MYO1D: variants seen among roughly 807,000 people sequenced by gnomAD.
MYO1D encodes the protein myosin ID.
A neutral mutation model predicts 122.0 loss-of-function variants in MYO1D; 83 were observed. That is an observed-to-expected ratio of 0.68 (90% CI 0.57 to 0.82). MYO1D has a LOEUF of 0.82. MYO1D is among the 40% of genes least tolerant of loss of function. The probability of loss-of-function intolerance (pLI) is 0.00; values close to 1 mark genes in which losing one functional copy is unlikely to be tolerated. For missense variants in MYO1D, 1,157 were observed against 1,269.5 expected (o/e 0.91, Z 1.35); for synonymous variants, 464 against 446.9 (o/e 1.04, Z -0.48).
chr17:32,627,633 G>A (rs1285301325), intron 20 of MYO1D: 6 of 152,006 alleles, frequency 3.9e-5, no homozygotes, highest in African/African-American at 9.7e-5. Flanking sequence ...TCCACAGAAC[G>A]AAAGGAGGTA....
At chr17:32,871,043 A>G (rs1457999637) in intron 1 of MYO1D, among the ~76,000 whole-genome samples, 1 of 152,182 alleles carries the variant, frequency 6.6e-6, no homozygotes, top group African/African-American at 2.4e-5. Flanking sequence ...ATTGGGAAAG[A>G]TTTCTCACAT....
intron 19 of MYO1D, among the ~76,000 whole-genome samples, chr17:32,641,104 G>A (rs62068424): frequency 0.034 from 3,591 of 106,342 alleles, 73 homozygotes; most frequent in Middle Eastern, 0.1. Flanking sequence ...CCCCACAACA[G>A]GCCCCGGTGT....
At position 32,493,999 on chromosome 17, in the gene MYO1D, G is replaced by A. The variant is rs1908992809; in HGVS notation, c.*760C>T. 6.6e-6 allele frequency: 1 copy of A among 152,296 alleles called. No individual in the cohort carries two copies. The highest frequency in any genetic ancestry group is 6.5e-5 in the Admixed American group (1 of 15,288). 9.4% of individuals were successfully genotyped at this position (152,296 alleles called of 1,614,324 possible). Reference sequence around the variant, plus strand: ...ATTAGCAACCCTGCAAACGGTGAAAGTATCTATAAGAGGACCACAGCCACA... The same window carrying A: ...ATTAGCAACCCTGCAAACGGTGAAAATATCTATAAGAGGACCACAGCCACA... On this transcript the variant is annotated 3_prime_UTR_variant, in exon 22 of 22. Coordinates refer to ENST00000318217, the MANE Select transcript of MYO1D (RefSeq NM_015194.3).
At chr17:32,829,904 T>C (rs2090756462) in intron 1 of MYO1D, among the ~76,000 whole-genome samples, 1 of 152,160 alleles carries the variant, frequency 6.6e-6, no homozygotes, top group Admixed American at 6.6e-5. Context: ...GCTAATCAAA[T>C]AAACAGACAT....
chr17:32,820,553 T>A (rs991853010), intron 1 of MYO1D, among the ~76,000 whole-genome samples: 2 of 152,142 alleles, frequency 1.3e-5, no homozygotes, highest in Admixed American at 1.3e-4. Flanking sequence ...TGATTTCACT[T>A]ACAATATGGA....
intron 1 of MYO1D, among the ~76,000 whole-genome samples, chr17:32,804,467 G>A (rs544252994): frequency 6.6e-6 from 1 of 152,044 alleles, no homozygotes; most frequent in African/African-American, 2.4e-5. Flanking sequence ...TGTCCTTTAA[G>A]AACTATTTGA....
intron 15 of MYO1D, among the ~76,000 whole-genome samples, chr17:32,713,793 T>G (rs1266310181): frequency 2.6e-5 from 4 of 152,142 alleles, no homozygotes; most frequent in Non-Finnish European, 5.9e-5. Context: ...CCAGCTAATT[T>G]TTTTGTTAAC....
intron 16 of MYO1D, among the ~76,000 whole-genome samples, chr17:32,693,842 T>C (rs2089136667): frequency 6.6e-6 from 1 of 152,212 alleles, no homozygotes; most frequent in Admixed American, 6.5e-5. Context: ...TATCGTTTTA[T>C]TCACCAAGTA....
intron 17 of MYO1D, 38 bp from the exon 18 acceptor site, chr17:32,654,659 A>G: frequency 6.6e-7 from 1 of 1,511,414 alleles, no homozygotes; most frequent in Non-Finnish European, 8.9e-7. Flanking sequence ...GACTTTAGAA[A>G]TGCAATCCCA....
chr17:32,829,424 A>C (rs2090752186), intron 1 of MYO1D, among the ~76,000 whole-genome samples: 1 of 152,176 alleles, frequency 6.6e-6, no homozygotes, highest in South Asian at 2.1e-4. Context: ...ATTACTTTCT[A>C]GGGGTAGGAA....
chr17:32,688,602 T>C (rs531781656), intron 16 of MYO1D, among the ~76,000 whole-genome samples: 27 of 152,176 alleles, frequency 1.8e-4, no homozygotes, highest in African/African-American at 6.0e-4. Flanking sequence ...TACATACAGG[T>C]GAAAAAGCAG....
At chr17:32,494,950 C>G (rs373758835) in intron 21 of MYO1D, 35 bp from the exon 22 acceptor site, 18 of 1,565,118 alleles carry the variant, frequency 1.2e-5, no homozygotes, top group African/African-American at 4.1e-5. Flanking sequence ...GGGCAGTTAG[C>G]AGGCAGCATG....
At chr17:32,632,261 T>C (rs2088017684) in intron 20 of MYO1D, 1 of 152,082 alleles carries the variant, frequency 6.6e-6, no homozygotes, top group Admixed American at 6.5e-5. Flanking sequence ...TTAATAAGAG[T>C]AGCAGACTGG....
intron 21 of MYO1D, among the ~76,000 whole-genome samples, chr17:32,532,191 A>T (rs975392587): frequency 3.9e-5 from 6 of 152,238 alleles, no homozygotes. Flanking sequence ...AAGGAAGGAT[A>T]AAAACAGCCC....
chr17:32,695,632 A>AC (rs2089162298), intron 16 of MYO1D, among the ~76,000 whole-genome samples: 1 of 152,156 alleles, frequency 6.6e-6, no homozygotes, highest in Admixed American at 6.5e-5. Context: ...TGTAACAAAT[A>AC]CCCCTATGCA....
intron 1 of MYO1D, among the ~76,000 whole-genome samples, chr17:32,788,702 G>GT (rs1261926656): frequency 1.3e-5 from 2 of 152,060 alleles, no homozygotes; most frequent in South Asian, 4.2e-4. Flanking sequence ...TTCAGATTTG[G>GT]TTTTTTTGCT....
chr17:32,848,045 C>T (rs1268104067), intron 1 of MYO1D, among the ~76,000 whole-genome samples: 4 of 152,150 alleles, frequency 2.6e-5, no homozygotes, highest in South Asian at 2.1e-4. Flanking sequence ...AGAGAAGATG[C>T]TGAAATGAAT....
chr17:32,532,373 T>C (rs1453334152), intron 21 of MYO1D, among the ~76,000 whole-genome samples: 1 of 152,212 alleles, frequency 6.6e-6, no homozygotes, highest in African/African-American at 2.4e-5. Flanking sequence ...CAGTGTAGTG[T>C]CAACGTCTCA....
intron 21 of MYO1D, among the ~76,000 whole-genome samples, chr17:32,585,205 C>T (rs1040094441): frequency 7.2e-5 from 11 of 151,922 alleles, no homozygotes; most frequent in East Asian, 3.9e-4. Context: ...TCTGTAAGGT[C>T]GCTTTCCTTT....
Sources: gnomAD v4.1 joint callset for allele counts (sites outside exome capture counted in the v4.1 genomes callset) on GRCh38, gnomAD v4.1.1 for gene constraint, MANE v1.5 for transcripts, NCBI Gene and HGNC (gene_info 2026-07-23, HGNC 2026-07-21) for gene names.